Variants in TBC1D5 observed in about 807,000 individuals in gnomAD.
TBC1D5 encodes the protein TBC1 domain family member 5, also known as TBC1 domain family, member 5.
TBC1D5 carries 75 observed loss-of-function variants against 100.3 expected under a neutral mutation model. That is an observed-to-expected ratio of 0.75 (90% CI 0.62 to 0.91). The LOEUF (loss-of-function observed/expected upper bound fraction) is 0.91. TBC1D5 is among the 40% of genes least tolerant of loss of function. TBC1D5 has a pLI of 0.00. For missense variants in TBC1D5, 910 were observed against 942.4 expected (o/e 0.97, Z 0.45); for synonymous variants, 323 against 325.6 (o/e 0.99, Z 0.09).
rs180915883 is a variant in TBC1D5 at position 17,682,268 on chromosome 3, A to C, written c.-101+57075T>G. On this transcript the variant is annotated intron_variant, in intron 1 of 21. Coordinates refer to ENST00000253692, the Ensembl canonical transcript of TBC1D5. ...TCAAGACCCCATCTCTAGAAAAATA[A>C]AATAAAATAAAATTTTTGAAAAAAA... Among the ~76,000 whole-genome samples, 58 of 151,432 alleles carry C rather than the reference A, an allele frequency of 3.8e-4. 1 individual carries two copies. The East Asian group carries it at 0.01, about 27-fold the overall frequency.
chr3:17,635,447 G>A (rs931986417), intron 1 of TBC1D5, among the ~76,000 whole-genome samples: 7 of 152,158 alleles, frequency 4.6e-5, no homozygotes, highest in African/African-American at 1.7e-4. Flanking sequence ...TTGGGAGGCC[G>A]AGGCAGGTGG....
intron 4 of TBC1D5, among the ~76,000 whole-genome samples, chr3:17,411,448 CT>C (rs1360102605): frequency 6.6e-6 from 1 of 152,094 alleles, no homozygotes; most frequent in African/African-American, 2.4e-5. Context: ...ATTTAAATAG[CT>C]TGTAGTCTGT....
intron 14 of TBC1D5, among the ~76,000 whole-genome samples, chr3:17,307,654 G>A (rs2083529902): frequency 1.3e-5 from 2 of 152,082 alleles, no homozygotes; most frequent in African/African-American, 2.4e-5. Context: ...GTCAGAAGGT[G>A]GAGCTCTAAA....
At chr3:17,390,759 A>T (rs572269790) in intron 8 of TBC1D5, among the ~76,000 whole-genome samples, 1 of 152,288 alleles carries the variant, frequency 6.6e-6, no homozygotes, top group South Asian at 2.1e-4. Context: ...GTTTTATTAA[A>T]GAAAAACTGA....
Position 17,729,016 on chromosome 3 carries a change from T to TAAA in TBC1D5, c.-101+10324_-101+10326dup, listed in dbSNP as rs34461809. On this transcript the variant is annotated intron_variant, in intron 1 of 21. Coordinates refer to ENST00000253692, the Ensembl canonical transcript of TBC1D5. Reference sequence around the variant, plus strand: ...ATACTCAAGTGCACCTGAAAATCAGTAAAAAAAAAAAAAAAAAAAAAAAAG... The same window carrying TAAA: ...ATACTCAAGTGCACCTGAAAATCAGTAAAAAAAAAAAAAAAAAAAAAAAAAAAG... Among the ~76,000 whole-genome samples, 177 of 29,558 alleles carry TAAA rather than the reference T, an allele frequency of 6.0e-3. 3 individuals are homozygous for TAAA. The highest frequency in any genetic ancestry group is 8.9e-3 in the Non-Finnish European group (131 of 14,724). 19.4% of individuals were successfully genotyped at this position (29,558 alleles called of 152,430 possible).
chr3:17,580,314 A>C (rs574991329), intron 2 of TBC1D5, among the ~76,000 whole-genome samples: 1 of 152,320 alleles, frequency 6.6e-6, no homozygotes, highest in East Asian at 1.9e-4. Context: ...CAGAATTCCT[A>C]AACTAGGAAA....
At chr3:17,588,170 C>T (rs1009827540) in intron 2 of TBC1D5, among the ~76,000 whole-genome samples, 1 of 150,598 alleles carries the variant, frequency 6.6e-6, no homozygotes, top group African/African-American at 2.4e-5. Flanking sequence ...ACACTGCCAA[C>T]ATCCTTAATT....
intron 3 of TBC1D5, among the ~76,000 whole-genome samples, chr3:17,478,305 T>C (rs1354471464): frequency 6.6e-6 from 1 of 152,170 alleles, no homozygotes; most frequent in Non-Finnish European, 1.5e-5. Context: ...TGAATTAGTA[T>C]CTGTGAAAAA....
At chr3:17,358,390 T>C (rs750253893) in intron 13 of TBC1D5, among the ~76,000 whole-genome samples, 6 of 152,128 alleles carry the variant, frequency 3.9e-5, no homozygotes, top group Non-Finnish European at 5.9e-5. Context: ...TCCTCCACGT[T>C]GGTCAGGCTG....
chr3:17,655,896 A>G (rs2066016434), intron 1 of TBC1D5, among the ~76,000 whole-genome samples: 1 of 152,230 alleles, frequency 6.6e-6, no homozygotes. Flanking sequence ...TCTCAGAAGG[A>G]ACCAACCCTG....
At chr3:17,651,357 T>C (rs6768637) in intron 1 of TBC1D5, among the ~76,000 whole-genome samples, 86,740 of 152,008 alleles carry the variant, frequency 0.57, 25,588 homozygotes, top group East Asian at 0.99. Flanking sequence ...AATCATTCTT[T>C]CGATGTATCT....
At chr3:17,396,151 C>A (rs926342211) in intron 8 of TBC1D5, among the ~76,000 whole-genome samples, 88 of 152,186 alleles carry the variant, frequency 5.8e-4, no homozygotes, top group Non-Finnish European at 6.3e-4. Flanking sequence ...TATGTGAGGG[C>A]TGGTCGTGCA....
intron 2 of TBC1D5, among the ~76,000 whole-genome samples, chr3:17,543,422 C>T (rs1253886593): frequency 1.3e-5 from 2 of 152,066 alleles, no homozygotes; most frequent in Admixed American, 1.3e-4. Flanking sequence ...TGCTTGAGGT[C>T]AGGAGTTCGA....
At chr3:17,175,440 C>A (rs1415306111) in intron 19 of TBC1D5, among the ~76,000 whole-genome samples, 1 of 152,210 alleles carries the variant, frequency 6.6e-6, no homozygotes, top group African/African-American at 2.4e-5. Flanking sequence ...AAGCATGACA[C>A]CTCCCAGTAA....
chr3:17,668,149 TA>T (rs1353054541), intron 1 of TBC1D5, among the ~76,000 whole-genome samples: 1 of 148,098 alleles, frequency 6.8e-6, no homozygotes, highest in African/African-American at 2.5e-5. Context: ...GCATTTCACT[TA>T]AAAATATATA....
At chr3:17,388,308 T>G (rs1403907547) in intron 8 of TBC1D5, among the ~76,000 whole-genome samples, 2 of 152,058 alleles carry the variant, frequency 1.3e-5, no homozygotes, top group African/African-American at 4.8e-5. Flanking sequence ...TAAACCAAAA[T>G]TGGTAGGCAA....
chr3:17,490,452 A>T (rs1293069752), intron 3 of TBC1D5, among the ~76,000 whole-genome samples: 1 of 152,012 alleles, frequency 6.6e-6, no homozygotes, highest in Non-Finnish European at 1.5e-5. Context: ...TTTCTTCCAG[A>T]GTTTTCACAG....
At chr3:17,354,804 G>C (rs910650121) in intron 13 of TBC1D5, among the ~76,000 whole-genome samples, 9 of 151,596 alleles carry the variant, frequency 5.9e-5, no homozygotes, top group African/African-American at 2.2e-4. Flanking sequence ...TAATTACCGT[G>C]TATAAATATA....
intron 13 of TBC1D5, among the ~76,000 whole-genome samples, chr3:17,355,649 T>G (rs953117047): frequency 5.5e-5 from 3 of 54,462 alleles, no homozygotes; most frequent in African/African-American, 2.1e-4. Flanking sequence ...AAGTAATAAA[T>G]TTTTTTAAAT....
Sources: gnomAD v4.1 joint callset for allele counts (sites outside exome capture counted in the v4.1 genomes callset) on GRCh38, gnomAD v4.1.1 for gene constraint, MANE v1.5 for transcripts, NCBI Gene and HGNC (gene_info 2026-07-23, HGNC 2026-07-21) for gene names.